The following CORO7 variants were observed in gnomAD, a reference collection of about 807,000 sequenced individuals.
CORO7 encodes coronin 7.
In CORO7, 107 loss-of-function variants were observed where a neutral mutation model predicts 126.6. The ratio of observed to expected loss-of-function variants is 0.85; its 90% CI spans 0.72 to 0.99. The LOEUF is 0.99. CORO7 is among the 50% of genes least tolerant of loss of function. The pLI is 0.00. For missense variants in CORO7, 1,314 were observed against 1,255.8 expected (o/e 1.05, Z -0.70); for synonymous variants, 603 against 536.8 (o/e 1.12, Z -1.70).
rs778740494 is a variant in CORO7, at chr16:4,388,094, C to T, written c.703-26G>A. Reference sequence around the variant, plus strand: ...CTGCAGGGAGGGCGAGAGAGGGGCTCAGAGGGGCCTGTCCCTCAGCCCCAC... The same window carrying T: ...CTGCAGGGAGGGCGAGAGAGGGGCTTAGAGGGGCCTGTCCCTCAGCCCCAC... On this transcript the variant is annotated intron_variant, in intron 8 of 27. Coordinates refer to ENST00000251166, the MANE Select transcript of CORO7 (RefSeq NM_024535.5). 11 of 1,601,920 alleles carry T rather than the reference C, an allele frequency of 6.9e-6. 2 individuals carry two copies. The South Asian group carries it at 1.2e-4, about 18-fold the overall frequency.
intron 9 of CORO7, among the ~76,000 whole-genome samples, chr16:4,369,807 C>T (rs2054463710): frequency 6.6e-6 from 1 of 152,184 alleles, no homozygotes; most frequent in Non-Finnish European, 1.5e-5. Context: ...GTCCCTATCA[C>T]CCAGGCTGGA....
At chr16:4,370,303 C>T (rs1157195681) in intron 9 of CORO7, among the ~76,000 whole-genome samples, 2 of 152,178 alleles carry the variant, frequency 1.3e-5, no homozygotes, top group East Asian at 3.9e-4. Flanking sequence ...GCAGGAAACT[C>T]AAGTGAGTGG....
intron 9 of CORO7, among the ~76,000 whole-genome samples, chr16:4,380,104 C>T (rs2054899864): frequency 6.6e-6 from 1 of 151,752 alleles, no homozygotes; most frequent in Non-Finnish European, 1.5e-5. Flanking sequence ...AGAGTTTTCC[C>T]AGGCCTGGCA....
chr16:4,398,681 A>T (rs1363361515), intron 6 of CORO7, among the ~76,000 whole-genome samples: 2 of 150,972 alleles, frequency 1.3e-5, no homozygotes, highest in African/African-American at 4.9e-5. Flanking sequence ...AAAAAAAAAA[A>T]TTGCAAGGCT....
intron 17 of CORO7, 46 bp from the exon 18 acceptor site, chr16:4,361,294 CTG>C (rs1189385247): frequency 6.2e-7 from 1 of 1,610,692 alleles, no homozygotes; most frequent in South Asian, 1.1e-5. Flanking sequence ...CCCAAGACCT[CTG>C]GGCTCCCCAG....
At chr16:4,415,612 C>T (rs1468459710) in intron 1 of CORO7, 8 of 613,538 alleles carry the variant, frequency 1.3e-5, no homozygotes, top group Admixed American at 6.3e-5. Context: ...ACTACAAAAA[C>T]GGAACCTCTA....
intron 9 of CORO7, 70 bp downstream of exon 9, chr16:4,387,916 A>T: frequency 6.3e-7 from 1 of 1,581,828 alleles, no homozygotes; most frequent in Non-Finnish European, 8.6e-7. Context: ...GACAGGCCGG[A>T]TCAGGTGCCC....
At chr16:4,383,385 A>AATAT (rs778962433) in intron 9 of CORO7, 11 of 168,560 alleles carry the variant, frequency 6.5e-5, no homozygotes, top group Admixed American at 3.3e-4. Context: ...GCTTTTTTAA[A>AATAT]ATATATATAT....
At chr16:4,405,903 A>T (rs1051963102) in intron 5 of CORO7, among the ~76,000 whole-genome samples, 52 of 152,064 alleles carry the variant, frequency 3.4e-4, no homozygotes, top group African/African-American at 1.2e-3. Flanking sequence ...CCTGCCATCT[A>T]TACTCTCCCT....
intron 5 of CORO7, 98 bp from the exon 6 acceptor site, chr16:4,405,665 A>G: frequency 7.0e-7 from 1 of 1,437,452 alleles, no homozygotes; most frequent in East Asian, 2.4e-5. Context: ...GAGCAAAGGC[A>G]GCAGCTACGA....
intron 9 of CORO7, chr16:4,382,861 G>T: frequency 6.4e-7 from 1 of 1,573,118 alleles, no homozygotes; most frequent in East Asian, 2.3e-5. Flanking sequence ...CCCAGGGCCT[G>T]GCCTCCAGTC....
intron 25 of CORO7, chr16:4,357,759 G>A (rs2054025434): frequency 1.3e-6 from 1 of 777,076 alleles, no homozygotes; most frequent in Non-Finnish European, 2.0e-6. Flanking sequence ...GTGCGTGTGT[G>A]TGTGTGTTAG....
At position 4,358,449 on chromosome 16, in the gene CORO7, A is replaced by T; in HGVS notation, c.2375T>A (p.Val792Glu). The change falls in exon 24 of 28, where the codon GTG (valine) becomes GAG (glutamate). Residue 792 changes from valine to glutamate, a missense_variant. Transcript: ENST00000251166. Reference protein sequence around the residue: ...LVLLPKTECDVREVELMRCLR... With the variant: ...LVLLPKTECDEREVELMRCLR... Reference sequence around the variant, plus strand: ...GCACCGCATCAGCTCCACTTCCCGCACGTCGCACTCCGTCTTAGGCAGGAG... The same window carrying T: ...GCACCGCATCAGCTCCACTTCCCGCTCGTCGCACTCCGTCTTAGGCAGGAG... 2 of 1,610,510 alleles carry T rather than the reference A, an allele frequency of 1.2e-6. No individual in the cohort carries two copies. Among genetic ancestry groups the T allele is most frequent in the Non-Finnish European group, 1.7e-6 (2 of 1,178,452 alleles).
Position 4,361,361 on chromosome 16 carries a change from C to A in CORO7, c.1687G>T (p.Ala563Ser). The change falls in exon 17 of 28, where the codon GCT (alanine) becomes TCT (serine). Residue 563 changes from alanine to serine, a missense_variant and splice_region_variant. Physicochemically the swap from Ala to Ser is moderately conservative, Grantham distance 99. Coordinates refer to ENST00000251166, the MANE Select transcript of CORO7 (RefSeq NM_024535.5). Reference protein sequence around the residue: ...DPFDPHRLAVAGEDARIRLWR... With the variant: ...DPFDPHRLAVSGEDARIRLWR... ...AAGCCCAGGCACCCAGCCTCCTTAC[C>A]CACAGCGAGGCGATGGGGGTCAAAG... is the stretch of plus-strand genomic sequence containing the variant. 2 of 1,612,172 alleles carry A rather than the reference C, an allele frequency of 1.2e-6. No homozygotes were observed. The highest frequency in any genetic ancestry group is 1.1e-5 in the South Asian group (1 of 91,068).
At position 4,408,131 on chromosome 16, in the gene CORO7, T is replaced by C. The variant is rs779108616; in HGVS notation, c.303+50A>G. On this transcript the variant is annotated intron_variant, in intron 4 of 27. Coordinates refer to ENST00000251166, the MANE Select transcript of CORO7 (RefSeq NM_024535.5). ...GATGGCGCTGGGGCTCAGAAGGCCC[T>C]GGACTACGGGCTGGGACATAGAGCA... 5 of 1,613,284 alleles carry C rather than the reference T, an allele frequency of 3.1e-6. No individual in the cohort carries two copies. The African/African-American group carries it at 4.0e-5, about 13-fold the overall frequency.
At chr16:4,408,450 A>T (rs1043357081) in intron 3 of CORO7, among the ~76,000 whole-genome samples, 199 bp from the exon 4 acceptor site, 1 of 152,166 alleles carries the variant, frequency 6.6e-6, no homozygotes, top group Non-Finnish European at 1.5e-5. Context: ...CTGCTGACCC[A>T]GGGTGGCCAA....
chr16:4,367,314 A>G (rs1162813340), intron 9 of CORO7, among the ~76,000 whole-genome samples: 1 of 152,186 alleles, frequency 6.6e-6, no homozygotes, highest in Non-Finnish European at 1.5e-5. Context: ...TGCCCTCCAC[A>G]CTGACACTGG....
chr16:4,368,112 C>T (rs556284419), intron 9 of CORO7, among the ~76,000 whole-genome samples: 12 of 152,034 alleles, frequency 7.9e-5, no homozygotes, highest in Non-Finnish European at 1.5e-4. Flanking sequence ...TTTGGGAGGC[C>T]GAGGTGGGTG....
chr16:4,385,251 TGAAAAG>T (rs952712897), intron 9 of CORO7, among the ~76,000 whole-genome samples: 9 of 152,088 alleles, frequency 5.9e-5, no homozygotes, highest in Middle Eastern at 3.4e-3. Context: ...CCTCGTCTAT[TGAAAAG>T]GAGTGGCCAC....
Sources: gnomAD v4.1 joint callset for allele counts (sites outside exome capture counted in the v4.1 genomes callset) on GRCh38, gnomAD v4.1.1 for gene constraint, MANE v1.5 for transcripts, NCBI Gene and HGNC (gene_info 2026-07-23, HGNC 2026-07-21) for gene names.